The following CORO1C variants were observed in gnomAD, a reference collection of about 807,000 sequenced individuals.
The protein encoded by CORO1C is coronin-1C.
A neutral mutation model predicts 51.2 loss-of-function variants in CORO1C; 14 were observed. The observed-to-expected ratio is 0.27, with a 90% CI of 0.18 to 0.43. The LOEUF (loss-of-function observed/expected upper bound fraction) is 0.43. Among genes scored for constraint, CORO1C ranks in the 20% least tolerant of loss-of-function variants. CORO1C has a pLI of 1.00. For synonymous variants in CORO1C, 181 were observed against 210.5 expected, an observed-to-expected ratio of 0.86 and a Z score of 1.21; for missense variants, 417 against 607.8, an observed-to-expected ratio of 0.69 and a Z score of 3.30.
At position 108,662,151 on chromosome 12, in the gene CORO1C, T is replaced by G; in HGVS notation, c.326A>C (p.Gln109Pro). ...GSEDCTVMVW[Q>P]IPENGLTLSL... is the part of the protein sequence containing the mutation. ...AAGGGTGAGTCCATTTTCTGGGATC[T>G]GCCATACCTGTTGGACAAGGAAGAA... Residue 109 changes from glutamine to proline, a missense_variant, in exon 4 of 11, where the codon CAG (glutamine) becomes CCG (proline). Gln to Pro is a moderately conservative substitution (Grantham distance 76, BLOSUM62 -1). Coordinates refer to ENST00000261401, the MANE Select transcript of CORO1C (RefSeq NM_014325.4). 6.2e-7 allele frequency: 1 copy of G among 1,613,732 alleles called. No homozygotes were observed. Among genetic ancestry groups the G allele is most frequent in the Non-Finnish European group, 8.5e-7 (1 of 1,179,694 alleles).
intron 1 of CORO1C, among the ~76,000 whole-genome samples, chr12:108,708,940 G>T (rs1357426495): frequency 6.6e-6 from 1 of 151,882 alleles, no homozygotes; most frequent in African/African-American, 2.4e-5. Flanking sequence ...GGTAGAGATG[G>T]GGGTCTAACC....
chr12:108,708,336 C>T (rs1433800643), intron 1 of CORO1C, among the ~76,000 whole-genome samples: 8 of 152,090 alleles, frequency 5.3e-5, no homozygotes, highest in Admixed American at 2.0e-4. Context: ...CATGCTACAA[C>T]TTGGATGAAT....
At chr12:108,702,665 C>T in intron 1 of CORO1C, 2 of 928,554 alleles carry the variant, frequency 2.2e-6, no homozygotes, top group Non-Finnish European at 3.0e-6. Context: ...AGAGCTAACA[C>T]CTGTCCACTC....
intron 2 of CORO1C, among the ~76,000 whole-genome samples, chr12:108,699,851 A>C (rs2034808879): frequency 1.3e-5 from 2 of 152,236 alleles, no homozygotes; most frequent in African/African-American, 4.8e-5. Flanking sequence ...ACACGTATCA[A>C]ATTTGTTCCC....
rs189051153 is a variant in CORO1C, at chr12:108,694,431, T to C, written c.195+6693A>G. Among the ~76,000 whole-genome samples the C allele has an allele frequency of 2.3e-3, 345 of 152,328 alleles. 1 individual carries two copies. The highest frequency in any genetic ancestry group is 7.7e-3 in the African/African-American group (321 of 41,576). On this transcript the variant is annotated intron_variant, in intron 2 of 10. Transcript: ENST00000261401. ...CATTTAAGCAATAGTTAGCTCTTTA[T>C]ATGTACTCTGGTAATATTACTGATA... is the stretch of plus-strand genomic sequence containing the variant.
At chr12:108,657,176 A>G in intron 6 of CORO1C, 128 bp downstream of exon 6, 1 of 1,289,392 alleles carries the variant, frequency 7.8e-7, no homozygotes, top group Non-Finnish European at 1.1e-6. Context: ...TTCACATCCA[A>G]TCTAAGACAA....
chr12:108,647,383 T>C lies in CORO1C; in HGVS notation c.*20A>G, dbSNP rs770766039. The stretch of plus-strand genomic sequence containing the variant: ...CAAGTTCTTGCTCCCATTTTTTCTG[T>C]AGGGGTGGGGGTGGGACCTTCAGGC... On this transcript the variant is annotated 3_prime_UTR_variant, in exon 11 of 11. Coordinates refer to ENST00000261401, the MANE Select transcript of CORO1C (RefSeq NM_014325.4). The C allele has an allele frequency of 6.3e-7, 1 of 1,593,740 alleles. No homozygotes were observed. Among genetic ancestry groups the C allele is most frequent in the Non-Finnish European group, 8.6e-7 (1 of 1,169,182 alleles).
At chr12:108,666,436 G>A (rs1176294604) in intron 3 of CORO1C, among the ~76,000 whole-genome samples, 1 of 152,174 alleles carries the variant, frequency 6.6e-6, no homozygotes. Flanking sequence ...CTTGGGGGTT[G>A]GGGGCGGTCT....
chr12:108,698,652 C>T (rs1332378944), intron 2 of CORO1C, among the ~76,000 whole-genome samples: 1 of 152,242 alleles, frequency 6.6e-6, no homozygotes, highest in African/African-American at 2.4e-5. Context: ...GGTGATCCGC[C>T]CGCCTCAGCC....
chr12:108,695,521 C>T (rs17040884), intron 2 of CORO1C, among the ~76,000 whole-genome samples: 3,764 of 152,180 alleles, frequency 0.025, 166 homozygotes, highest in African/African-American at 0.087. Context: ...AATGTGATAA[C>T]GCAGGCTGTG....
At chr12:108,702,598 T>C (rs560031050) in intron 1 of CORO1C, among the ~76,000 whole-genome samples, 2 of 152,202 alleles carry the variant, frequency 1.3e-5, no homozygotes, top group Admixed American at 1.3e-4. Context: ...TAAGTGGAAA[T>C]GGAACATGGT....
chr12:108,658,428 G>A lies in CORO1C; in HGVS notation c.630+310C>T, dbSNP rs528373051. ...ATTCAATACTAAGCTGCAAAATCAG[G>A]AATGCAGCCAATTGGTTTAATTGAT... On this transcript the variant is annotated intron_variant, in intron 5 of 10. Coordinates refer to ENST00000261401, the MANE Select transcript of CORO1C (RefSeq NM_014325.4). The surrounding 1 kb of genome is among the most constrained non-coding windows in gnomAD (Gnocchi z 4.9). 6.6e-6 allele frequency among the ~76,000 whole-genome samples: 1 copy of A among 152,280 alleles called. No homozygotes were observed. The highest frequency in any genetic ancestry group is 1.9e-4 in the East Asian group (1 of 5,180).
intron 2 of CORO1C, among the ~76,000 whole-genome samples, chr12:108,683,961 C>T (rs941776086): frequency 6.6e-6 from 1 of 152,170 alleles, no homozygotes; most frequent in Non-Finnish European, 1.5e-5. Context: ...GCCTATATGA[C>T]TTATAAATAC....
chr12:108,662,333 TTTTTTTG>T (rs1377920914), intron 3 of CORO1C, among the ~76,000 whole-genome samples, 175 bp from the exon 4 acceptor site: 1 of 152,010 alleles, frequency 6.6e-6, no homozygotes, highest in Non-Finnish European at 1.5e-5. Context: ...TTTTTGTTTG[TTTTTTTG>T]TTTTTTGTTT....
At chr12:108,653,662 G>T (rs1390174507) in intron 7 of CORO1C, among the ~76,000 whole-genome samples, 1 of 152,156 alleles carries the variant, frequency 6.6e-6, no homozygotes, top group African/African-American at 2.4e-5. Context: ...AGCTCATAAG[G>T]CAGGAGGAAG....
intron 8 of CORO1C, 47 bp from the exon 9 acceptor site, chr12:108,649,067 GCTGA>G (rs755991842): frequency 6.9e-6 from 11 of 1,591,886 alleles, no homozygotes; most frequent in African/African-American, 5.4e-5. Context: ...GAAATATGAG[GCTGA>G]CTAACAGGAT....
At chr12:108,656,302 C>T (rs2032997331) in intron 6 of CORO1C, among the ~76,000 whole-genome samples, 1 of 44,080 alleles carries the variant, frequency 2.3e-5, no homozygotes, top group African/African-American at 7.7e-5. Context: ...GGCTCAGCCC[C>T]CGCCCGGCCA....
At chr12:108,717,940 G>A (rs930617274) in intron 1 of CORO1C, among the ~76,000 whole-genome samples, 3 of 152,058 alleles carry the variant, frequency 2.0e-5, no homozygotes, top group Admixed American at 6.5e-5. Flanking sequence ...AAACTAGGCC[G>A]GGCACAATGG....
chr12:108,682,479 C>T lies in CORO1C; in HGVS notation c.196-4085G>A, dbSNP rs189459894. Among the ~76,000 whole-genome samples the T allele has an allele frequency of 5.3e-5, 8 of 152,276 alleles. No individual in the cohort carries two copies. The East Asian group carries it at 1.5e-3, about 29-fold the overall frequency. On this transcript the variant is annotated intron_variant, in intron 2 of 10. Coordinates refer to ENST00000261401, the MANE Select transcript of CORO1C (RefSeq NM_014325.4). The stretch of plus-strand genomic sequence containing the variant: ...ATCTGACATCTAAAGAAACAATTCA[C>T]TGGAAAGTTATATTGCCACTATAAA...
Sources: gnomAD v4.1 joint callset for allele counts (sites outside exome capture counted in the v4.1 genomes callset) on GRCh38, gnomAD v4.1.1 for gene constraint, Gnocchi (gnomAD v3.1) non-coding constraint, MANE v1.5 for transcripts, NCBI Gene and HGNC (gene_info 2026-07-23, HGNC 2026-07-21) for gene names.